Variants in OSBPL3 observed in about 807,000 individuals in gnomAD.
OSBPL3 encodes oxysterol-binding protein-related protein 3.
Under a neutral mutation model 120.1 loss-of-function variants are expected in OSBPL3, and 65 were observed. The observed-to-expected ratio is 0.54, with a 90% confidence interval of 0.44 to 0.67. The LOEUF is 0.67. Ranked by LOEUF, OSBPL3 falls within the 30% of genes least tolerant of loss-of-function variation. The pLI, the probability that OSBPL3 is intolerant of heterozygous loss-of-function variation, is 0.00. For synonymous variants in OSBPL3, 416 were observed against 402.6 expected, an observed-to-expected ratio of 1.03 and a Z score of -0.40; for missense variants, 1,004 against 1,082.1, an observed-to-expected ratio of 0.93 and a Z score of 1.01.
In OSBPL3 at chr7:24,805,301, T is replaced by A. The variant is rs1792893029; in HGVS notation, c.2445-864A>T. Among the ~76,000 whole-genome samples, 1 of 152,230 alleles carries A rather than the reference T, an allele frequency of 6.6e-6. No homozygotes were observed. Among genetic ancestry groups the A allele is most frequent in the Admixed American group, 6.5e-5 (1 of 15,270 alleles). The stretch of plus-strand genomic sequence containing the variant: ...TTAAAAATTGGGATGTCGACATGAT[T>A]TTTAAATTTGCATTTTTCTTATTAT... On this transcript the variant is annotated intron_variant, in intron 21 of 22. Transcript: ENST00000313367. This position sits in a 1 kb window ranked among gnomAD's most constrained non-coding sequence, Gnocchi z 4.0.
In OSBPL3 at chr7:24,922,912, CA is replaced by C. The variant is rs1047862692; in HGVS notation, c.-149-30292del. 6.9e-6 allele frequency among the ~76,000 whole-genome samples: 1 copy of C among 144,100 alleles called. No individual in the cohort carries two copies. The highest frequency in any genetic ancestry group is 7.1e-5 in the Admixed American group (1 of 14,064). 94.5% of individuals were successfully genotyped at this position (144,100 alleles called of 152,430 possible). On this transcript the variant is annotated intron_variant, in intron 1 of 22. Transcript: ENST00000313367. This position sits in a 1 kb window ranked among gnomAD's most constrained non-coding sequence, Gnocchi z 4.3. ...CTTTAGGGTCGATGCAGCAAACAAA[CA>C]AAAAAGCAAGTTTGCTTACAGTTTT...
chr7:24,798,495 G>C lies in OSBPL3; in HGVS notation c.*1688C>G, dbSNP rs1457220394. On this transcript the variant is annotated 3_prime_UTR_variant, in exon 23 of 23. Coordinates refer to ENST00000313367, the MANE Select transcript of OSBPL3 (RefSeq NM_015550.4). The surrounding 1 kb of genome is among the most constrained non-coding windows in gnomAD (Gnocchi z 4.6). ...TCTGACTGTGTCATTCAACTGCTTA[G>C]AAATGGAAATGATATTCACATTGTG... 2 of 152,224 alleles carry C rather than the reference G, an allele frequency of 1.3e-5. No homozygotes were observed. Among genetic ancestry groups the C allele is most frequent in the Non-Finnish European group, 2.9e-5 (2 of 68,040 alleles). 9.4% of individuals were successfully genotyped at this position (152,224 alleles called of 1,614,324 possible). A position where few individuals can be genotyped will look rare whatever the true frequency, so the allele number is the denominator to read the frequency against.
rs1228780449 is a variant in OSBPL3, at chr7:24,877,804, C to T, written c.97-5735G>A. Among the ~76,000 whole-genome samples the T allele has an allele frequency of 2.6e-5, 4 of 152,134 alleles. No homozygotes were observed. The East Asian group carries it at 7.7e-4, about 29-fold the overall frequency. On this transcript the variant is annotated intron_variant, in intron 2 of 22. Coordinates refer to ENST00000313367, the MANE Select transcript of OSBPL3 (RefSeq NM_015550.4). This position sits in a 1 kb window ranked among gnomAD's most constrained non-coding sequence, Gnocchi z 4.8. ...CCAAGAGTAGGGCAGGCACCTTGAG[C>T]TGCATATCCTGAGACACAGTACAGG...
rs1803959629 is a variant in OSBPL3, at chr7:24,883,063, TTTTAG to T, written c.96+9309_96+9313del. On this transcript the variant is annotated intron_variant, in intron 2 of 22. Coordinates refer to ENST00000313367, the MANE Select transcript of OSBPL3 (RefSeq NM_015550.4). The surrounding 1 kb of genome is among the most constrained non-coding windows in gnomAD (Gnocchi z 5.4). Reference sequence around the variant, plus strand: ...GTTTTCCTTTTGCTGTGCAGAAACTTTTTAGTTTAATTAAGTAGGAAGTGAACATG... The same window carrying T: ...GTTTTCCTTTTGCTGTGCAGAAACTTTTTAATTAAGTAGGAAGTGAACATG... 6.6e-6 allele frequency among the ~76,000 whole-genome samples: 1 copy of T among 152,138 alleles called. No individual in the cohort carries two copies. The highest frequency in any genetic ancestry group is 1.5e-5 in the Non-Finnish European group (1 of 68,004).
At chr7:24,801,243 CAAAA>C (rs397976980) in intron 22 of OSBPL3, among the ~76,000 whole-genome samples, 5 of 73,986 alleles carry the variant, frequency 6.8e-5, no homozygotes, top group South Asian at 4.9e-4. Flanking sequence ...GACTCCTTCT[CAAAA>C]AAAAAAAAAA....
At chr7:24,926,469 T>C (rs1182517177) in intron 1 of OSBPL3, among the ~76,000 whole-genome samples, 10 of 152,236 alleles carry the variant, frequency 6.6e-5, no homozygotes, top group Non-Finnish European at 1.3e-4. Context: ...TGAGGACTAC[T>C]GGCTTGCAAG....
Position 24,863,431 on chromosome 7 carries a change from A to G in OSBPL3, c.777+65T>C. The G allele has an allele frequency of 1.4e-6, 2 of 1,437,774 alleles. No individual in the cohort carries two copies. Among genetic ancestry groups the G allele is most frequent in the African/African-American group, 1.4e-5 (1 of 71,534 alleles). 89.1% of individuals were successfully genotyped at this position (1,437,774 alleles called of 1,614,324 possible). On this transcript the variant is annotated intron_variant, in intron 8 of 22. Coordinates refer to ENST00000313367, the MANE Select transcript of OSBPL3 (RefSeq NM_015550.4). The surrounding 1 kb of genome is among the most constrained non-coding windows in gnomAD (Gnocchi z 5.8). ...ACCACAGCATCCCACTGTTAGTGAA[A>G]GGCTGGGAGGAGAAAGGAAAGCAGA...
rs1309152153 is a variant in OSBPL3 at position 24,797,311 on chromosome 7, AT to A, written c.*2871del. The A allele has an allele frequency of 2.0e-5, 3 of 152,224 alleles. No individual in the cohort carries two copies. In the East Asian group the frequency reaches 5.8e-4, roughly 29 times the overall value. The allele number at this position is 152,224 out of a possible 1,614,324, so 9.4% of individuals were successfully genotyped here. On this transcript the variant is annotated 3_prime_UTR_variant, in exon 23 of 23. Coordinates refer to ENST00000313367, the MANE Select transcript of OSBPL3 (RefSeq NM_015550.4). The surrounding 1 kb of genome is among the most constrained non-coding windows in gnomAD (Gnocchi z 4.8). ...GTGTAAATGACGTAAACATTAAAAA[AT>A]ATATTAGTTTGTATATTTCCCCCAG...
chr7:24,890,945 T>A (rs1388593564), intron 2 of OSBPL3, among the ~76,000 whole-genome samples: 1 of 152,218 alleles, frequency 6.6e-6, no homozygotes, highest in Non-Finnish European at 1.5e-5. Flanking sequence ...CTGTTCCAAT[T>A]CCTATGGTGT....
At position 24,891,589 on chromosome 7, in the gene OSBPL3, A is replaced by T. The variant is rs1329347086; in HGVS notation, c.96+788T>A. 6.6e-6 allele frequency among the ~76,000 whole-genome samples: 1 copy of T among 152,212 alleles called. No homozygotes were observed. Among genetic ancestry groups the T allele is most frequent in the Non-Finnish European group, 1.5e-5 (1 of 68,030 alleles). ...CTTTGGTCATAAATTCAGCTTTCTG[A>T]CAGCTCATTCTCTCTCCATCTAACT... On this transcript the variant is annotated intron_variant, in intron 2 of 22. Coordinates refer to ENST00000313367, the MANE Select transcript of OSBPL3 (RefSeq NM_015550.4). This position sits in a 1 kb window ranked among gnomAD's most constrained non-coding sequence, Gnocchi z 4.1.
intron 2 of OSBPL3, among the ~76,000 whole-genome samples, chr7:24,886,290 G>A (rs1034334569): frequency 4.6e-5 from 7 of 152,154 alleles, no homozygotes; most frequent in Non-Finnish European, 7.4e-5. Flanking sequence ...AAGCAAAACC[G>A]GTGAGAACAA....
intron 5 of OSBPL3, among the ~76,000 whole-genome samples, chr7:24,868,264 C>T (rs1801610735): frequency 6.7e-6 from 1 of 149,966 alleles, no homozygotes. Context: ...TTGCAATAAG[C>T]CGAGATCACA....
In OSBPL3 at chr7:24,912,885, G is replaced by C. The variant is rs559026877; in HGVS notation, c.-149-20264C>G. 2.6e-5 allele frequency among the ~76,000 whole-genome samples: 4 copies of C among 152,338 alleles called. No homozygotes were observed. The highest frequency in any genetic ancestry group is 4.1e-4 in the South Asian group (2 of 4,826). ...CTTCGTGACTTCTGAGGCTGCATTA[G>C]AAATGGCAATGTAACTTCCACTTGT... On this transcript the variant is annotated intron_variant, in intron 1 of 22. Coordinates refer to ENST00000313367, the MANE Select transcript of OSBPL3 (RefSeq NM_015550.4). This position sits in a 1 kb window ranked among gnomAD's most constrained non-coding sequence, Gnocchi z 4.5.
In OSBPL3 at chr7:24,896,313, G is replaced by A. The variant is rs773869456; in HGVS notation, c.-149-3692C>T. ...GCACTTGTGTCAGTTCAAAAATGAC[G>A]TTTGTGCCTCTAAGATGAGCTTCAT... On this transcript the variant is annotated intron_variant, in intron 1 of 22. Coordinates refer to ENST00000313367, the MANE Select transcript of OSBPL3 (RefSeq NM_015550.4). This position sits in a 1 kb window ranked among gnomAD's most constrained non-coding sequence, Gnocchi z 4.4. 2.6e-5 allele frequency among the ~76,000 whole-genome samples: 4 copies of A among 152,170 alleles called. No homozygotes were observed. Among genetic ancestry groups the A allele is most frequent in the African/African-American group, 4.8e-5 (2 of 41,422 alleles).
rs1563012596 is a variant in OSBPL3 at position 24,959,822 on chromosome 7, T to G, written c.-150+20064A>C. Among the ~76,000 whole-genome samples the G allele has an allele frequency of 6.6e-6, 1 of 152,190 alleles. No individual in the cohort carries two copies. Among genetic ancestry groups the G allele is most frequent in the Admixed American group, 6.5e-5 (1 of 15,276 alleles). ...GGCCACTTGTAAAACCCAGCTGACCTGGACTGGTTTGACCAAAGAGCCTAC... is the reference window on the plus strand; with the variant it reads ...GGCCACTTGTAAAACCCAGCTGACCGGGACTGGTTTGACCAAAGAGCCTAC... On this transcript the variant is annotated intron_variant, in intron 1 of 22. Coordinates refer to ENST00000313367, the MANE Select transcript of OSBPL3 (RefSeq NM_015550.4). This position sits in a 1 kb window ranked among gnomAD's most constrained non-coding sequence, Gnocchi z 4.3.
intron 1 of OSBPL3, among the ~76,000 whole-genome samples, chr7:24,921,351 C>T (rs1810357936): frequency 6.6e-6 from 1 of 152,200 alleles, no homozygotes; most frequent in South Asian, 2.1e-4. Flanking sequence ...ACTGCATTGT[C>T]TGCAGACAAA....
intron 22 of OSBPL3, among the ~76,000 whole-genome samples, chr7:24,801,009 G>A (rs745485079): frequency 2.0e-5 from 3 of 150,388 alleles, no homozygotes; most frequent in Admixed American, 6.6e-5. Context: ...TTGGGAGGCC[G>A]AAGCGGGCAC....
rs1046414540 is a variant in OSBPL3, at chr7:24,819,501, C to T, written c.1948+674G>A. On this transcript the variant is annotated intron_variant, in intron 17 of 22. Transcript: ENST00000313367. The surrounding 1 kb of genome is among the most constrained non-coding windows in gnomAD (Gnocchi z 4.1). ...ACTGAGTGGCTGGGGAAGGGGGTTA[C>T]AGTATACTGTTTCGTACTTTTAAAG... Among the ~76,000 whole-genome samples, 2 of 152,084 alleles carry T rather than the reference C, an allele frequency of 1.3e-5. No homozygotes were observed. The highest frequency in any genetic ancestry group is 2.9e-5 in the Non-Finnish European group (2 of 68,000).
In OSBPL3 at chr7:24,803,627, C is replaced by A. The variant is rs975155194; in HGVS notation, c.2567+688G>T. Among the ~76,000 whole-genome samples, 1 of 151,990 alleles carries A rather than the reference C, an allele frequency of 6.6e-6. No individual in the cohort carries two copies. ...CTCTACTAAAAATACAAAAATTAGC[C>A]GGGCATGGTGGCACGCGCCTGTAGT... is the stretch of plus-strand genomic sequence containing the variant. On this transcript the variant is annotated intron_variant, in intron 22 of 22. Coordinates refer to ENST00000313367, the MANE Select transcript of OSBPL3 (RefSeq NM_015550.4). The surrounding 1 kb of genome is among the most constrained non-coding windows in gnomAD (Gnocchi z 4.2).
Sources: gnomAD v4.1 joint callset for allele counts (sites outside exome capture counted in the v4.1 genomes callset) on GRCh38, gnomAD v4.1.1 for gene constraint, Gnocchi (gnomAD v3.1) non-coding constraint, MANE v1.5 for transcripts, NCBI Gene and HGNC (gene_info 2026-07-23, HGNC 2026-07-21) for gene names.